TMEM178B: variants seen among roughly 807,000 people sequenced by gnomAD.
TMEM178B encodes the protein transmembrane protein 178B.
Under a neutral mutation model 31.0 loss-of-function variants are expected in TMEM178B, and 5 were observed. That is an observed-to-expected ratio of 0.16 (90% CI 0.08 to 0.34). The LOEUF (loss-of-function observed/expected upper bound fraction) is 0.34, where lower values mean the gene tolerates loss of function less well. TMEM178B is among the 10% of genes least tolerant of loss of function. The pLI is 1.00. For missense variants in TMEM178B, 275 were observed against 400.3 expected, an observed-to-expected ratio of 0.69 and a Z score of 2.67; for synonymous variants, 164 against 164.0, an observed-to-expected ratio of 1.00 and a Z score of 0.00.
At chr7:141,393,564 T>G (rs1800584012) in intron 2 of TMEM178B, among the ~76,000 whole-genome samples, 1 of 152,234 alleles carries the variant, frequency 6.6e-6, no homozygotes, top group Admixed American at 6.5e-5. Context: ...CAGAGCTCAG[T>G]GCTCTTCATG....
At chr7:141,394,571 A>G (rs143692713) in intron 2 of TMEM178B, among the ~76,000 whole-genome samples, 2 of 152,356 alleles carry the variant, frequency 1.3e-5, no homozygotes, top group Non-Finnish European at 2.9e-5. Context: ...CTCATCTTCC[A>G]CAATGCATGA....
At chr7:141,292,928 G>A (rs1264403218) in intron 2 of TMEM178B, among the ~76,000 whole-genome samples, 1 of 152,056 alleles carries the variant, frequency 6.6e-6, no homozygotes, top group Non-Finnish European at 1.5e-5. Flanking sequence ...GTGAGCCACC[G>A]CACCCGGCCA....
the TMEM178B span, among the ~76,000 whole-genome samples, chr7:141,486,300 A>G: frequency 1.3e-5 from 2 of 152,218 alleles, no homozygotes; most frequent in African/African-American, 2.4e-5. Flanking sequence ...TAATGGGTAC[A>G]ATGTACATTA....
chr7:141,497,879 C>G, the TMEM178B span, among the ~76,000 whole-genome samples: 2 of 152,216 alleles, frequency 1.3e-5, no homozygotes, highest in Non-Finnish European at 2.9e-5. Context: ...GCAACTACAA[C>G]TCATGGACAA....
rs995925623 is a variant in TMEM178B at position 141,474,861 on chromosome 7, C to G, written c.*4075C>G. 8.5e-5 allele frequency: 13 copies of G among 152,184 alleles called. No individual in the cohort carries two copies. Among genetic ancestry groups the G allele is most frequent in the African/African-American group, 3.1e-4 (13 of 41,444 alleles). The allele number at this position is 152,184 out of a possible 1,614,324, so 9.4% of individuals were successfully genotyped here. On this transcript the variant is annotated 3_prime_UTR_variant, in exon 4 of 4. Transcript: ENST00000565468. ...GAATAATGAACTCAGGTACATCACC[C>G]AGAGGCATTTAGAATGGACTCTCTC...
intron 2 of TMEM178B, among the ~76,000 whole-genome samples, chr7:141,423,733 T>G (rs1283681289): frequency 6.6e-6 from 1 of 152,096 alleles, no homozygotes; most frequent in Non-Finnish European, 1.5e-5. Context: ...CGAATTGCCA[T>G]GCTTTGTTCC....
intron 2 of TMEM178B, among the ~76,000 whole-genome samples, chr7:141,278,935 C>T (rs1490892795): frequency 6.6e-6 from 1 of 152,170 alleles, no homozygotes; most frequent in East Asian, 1.9e-4. Flanking sequence ...CCTTTATCAC[C>T]ATTAGACCAG....
At chr7:141,249,429 A>G (rs1797793675) in intron 2 of TMEM178B, among the ~76,000 whole-genome samples, 1 of 152,238 alleles carries the variant, frequency 6.6e-6, no homozygotes, top group Non-Finnish European at 1.5e-5. Flanking sequence ...CTTTATCAGC[A>G]GTGTAAAAAC....
At chr7:141,099,930 C>T (rs1023511072) in intron 1 of TMEM178B, among the ~76,000 whole-genome samples, 2 of 151,446 alleles carry the variant, frequency 1.3e-5, no homozygotes, top group Non-Finnish European at 2.9e-5. Flanking sequence ...CCCGGGTTCA[C>T]GCCATTCTCC....
chr7:141,268,626 C>T (rs555272785), intron 2 of TMEM178B, among the ~76,000 whole-genome samples: 2 of 152,384 alleles, frequency 1.3e-5, no homozygotes, highest in East Asian at 3.9e-4. Context: ...GCACCCAGAT[C>T]AGCTGCAGAC....
intron 2 of TMEM178B, among the ~76,000 whole-genome samples, chr7:141,279,915 C>T (rs187314646): frequency 2.0e-5 from 3 of 152,364 alleles, no homozygotes; most frequent in Non-Finnish European, 2.9e-5. Context: ...CATTTTCACT[C>T]GTTGACTTTG....
At chr7:141,298,633 A>G (rs1008112752) in intron 2 of TMEM178B, among the ~76,000 whole-genome samples, 6 of 152,240 alleles carry the variant, frequency 3.9e-5, no homozygotes, top group Admixed American at 1.3e-4. Flanking sequence ...GTATGGGATC[A>G]GAGTAGAGAT....
At chr7:141,300,566 G>T (rs193062811) in intron 2 of TMEM178B, among the ~76,000 whole-genome samples, 56 of 152,150 alleles carry the variant, frequency 3.7e-4, no homozygotes, top group African/African-American at 1.2e-3. Context: ...CGCGAGCTTG[G>T]ATCCCTTCTT....
At chr7:141,286,671 A>G (rs1798453317) in intron 2 of TMEM178B, among the ~76,000 whole-genome samples, 1 of 152,196 alleles carries the variant, frequency 6.6e-6, no homozygotes, top group African/African-American at 2.4e-5. Flanking sequence ...AAGTCTTCCC[A>G]AAGCAGTGCC....
At chr7:141,200,141 A>G (rs1250082156) in intron 1 of TMEM178B, among the ~76,000 whole-genome samples, 1 of 152,082 alleles carries the variant, frequency 6.6e-6, no homozygotes, top group African/African-American at 2.4e-5. Flanking sequence ...TCGGCTTGCC[A>G]AAGTCTTAGG....
At chr7:141,401,722 A>T (rs1163087761) in intron 2 of TMEM178B, among the ~76,000 whole-genome samples, 1 of 152,140 alleles carries the variant, frequency 6.6e-6, no homozygotes, top group Non-Finnish European at 1.5e-5. Context: ...TATCTTTTTT[A>T]CAGGACAGAA....
At chr7:141,428,209 CAA>C (rs774874930) in intron 2 of TMEM178B, among the ~76,000 whole-genome samples, 1 of 149,822 alleles carries the variant, frequency 6.7e-6, no homozygotes, top group African/African-American at 2.4e-5. Flanking sequence ...ACTAAAAATA[CAA>C]AAAAAAATTA....
At chr7:141,491,715 G>A in the TMEM178B span, among the ~76,000 whole-genome samples, 4 of 152,326 alleles carry the variant, frequency 2.6e-5, no homozygotes, top group African/African-American at 7.2e-5. Context: ...CGGGGGTCAT[G>A]TCAGATTTTG....
intron 1 of TMEM178B, among the ~76,000 whole-genome samples, chr7:141,163,694 T>C (rs1360833672): frequency 6.6e-6 from 1 of 151,968 alleles, no homozygotes; most frequent in Non-Finnish European, 1.5e-5. Flanking sequence ...TTTGTATTTT[T>C]AGTAGAGGTG....
Sources: gnomAD v4.1 joint callset for allele counts (sites outside exome capture counted in the v4.1 genomes callset) on GRCh38, gnomAD v4.1.1 for gene constraint, MANE v1.5 for transcripts, NCBI Gene and HGNC (gene_info 2026-07-23, HGNC 2026-07-21) for gene names.